Variants in ATCAY observed in about 807,000 individuals in gnomAD.
ATCAY encodes the protein ATCAY kinesin light chain interacting caytaxin, also known as caytaxin.
In ATCAY, 22 loss-of-function variants were observed where a neutral mutation model predicts 47.7. The observed-to-expected ratio is 0.46, with a 90% CI of 0.33 to 0.66. The LOEUF is 0.66. Among genes scored for constraint, ATCAY ranks in the 30% least tolerant of loss-of-function variants. The probability of loss-of-function intolerance (pLI) is 0.02; values close to 1 mark genes in which losing one functional copy is unlikely to be tolerated. For synonymous variants in ATCAY, 216 were observed against 207.6 expected (o/e 1.04, Z -0.35); for missense variants, 452 against 515.0 (o/e 0.88, Z 1.18).
chr19:3,896,168 G>C (rs2038767899), intron 2 of ATCAY, among the ~76,000 whole-genome samples: 1 of 151,592 alleles, frequency 6.6e-6, no homozygotes, highest in Non-Finnish European at 1.5e-5. Flanking sequence ...GCTTTCTACA[G>C]CTTCACATTT....
At chr19:3,903,464 C>A (rs2038832224) in intron 3 of ATCAY, among the ~76,000 whole-genome samples, 2 of 152,064 alleles carry the variant, frequency 1.3e-5, no homozygotes, top group African/African-American at 4.8e-5. Flanking sequence ...GAGGACCTGG[C>A]AGCCAGCCCC....
intron 2 of ATCAY, among the ~76,000 whole-genome samples, chr19:3,901,115 G>A (rs1298054548): frequency 6.7e-6 from 1 of 149,438 alleles, no homozygotes; most frequent in Non-Finnish European, 1.5e-5. Flanking sequence ...TGTTAGCCAG[G>A]ATGGTCTCGA....
chr19:3,924,460 C>G, intron 12 of ATCAY, 123 bp from the exon 13 acceptor site: 2 of 1,201,848 alleles, frequency 1.7e-6, no homozygotes, highest in South Asian at 2.5e-5. Context: ...ATGTGCCACT[C>G]TTGCTGCTGG....
chr19:3,913,190 G>A (rs2038937309), intron 8 of ATCAY, among the ~76,000 whole-genome samples: 1 of 151,374 alleles, frequency 6.6e-6, no homozygotes, highest in Non-Finnish European at 1.5e-5. Context: ...GGGAGGCTGA[G>A]GCAGGGAAAA....
At chr19:3,918,671 G>T in intron 10 of ATCAY, 135 bp from the exon 11 acceptor site, 1 of 801,996 alleles carries the variant, frequency 1.2e-6, no homozygotes, top group Non-Finnish European at 2.0e-6. Flanking sequence ...AATAGCAAAG[G>T]CAGGGAACAT....
At position 3,882,904 on chromosome 19, in the gene ATCAY, C is replaced by T; in HGVS notation, c.-42+1896C>T. ...GGGCTCAATCCTCCCACCTCAGCCT[C>T]CTGAATAGCTAAGACCTCAGGCACC... On this transcript the variant is annotated intron_variant, in intron 1 of 12. Transcript: ENST00000450849. Among the ~76,000 whole-genome samples the T allele has an allele frequency of 1.3e-5, 2 of 152,130 alleles. 1 individual carries two copies. Among genetic ancestry groups the T allele is most frequent in the Non-Finnish European group, 2.9e-5 (2 of 68,020 alleles).
intron 2 of ATCAY, among the ~76,000 whole-genome samples, chr19:3,890,152 C>T (rs2038702795): frequency 6.6e-6 from 1 of 150,856 alleles, no homozygotes; most frequent in Non-Finnish European, 1.5e-5. Flanking sequence ...CCGTGTTGGC[C>T]AGGCTGGTCT....
rs750308240 is a variant in ATCAY at position 3,918,813 on chromosome 19, C to G, written c.1009C>G (p.Pro337Ala). ...RLKARRESAR[P>A]QPEFVLPRSE... Reference sequence around the variant, plus strand: ...CGTTCTCTCTGTCCACAGCGCGAGGCCCCAGCCGGAGTTTGTGCTGCCCAG... The same window carrying G: ...CGTTCTCTCTGTCCACAGCGCGAGGGCCCAGCCGGAGTTTGTGCTGCCCAG... Residue 337 changes from proline (P) to alanine (A), a missense_variant, in exon 11 of 13, where the codon CCC (proline) becomes GCC (alanine). Transcript: ENST00000450849. The G allele has an allele frequency of 1.9e-6, 3 of 1,613,822 alleles. No homozygotes were observed. Among genetic ancestry groups the G allele is most frequent in the Non-Finnish European group, 2.5e-6 (3 of 1,179,862 alleles).
At chr19:3,915,555 C>CT (rs1264823704) in intron 9 of ATCAY, among the ~76,000 whole-genome samples, 3,814 of 126,210 alleles carry the variant, frequency 0.03, 72 homozygotes, top group Non-Finnish European at 0.038. Flanking sequence ...CCAGACCTTT[C>CT]TTTTTTTTTT....
At chr19:3,892,836 A>AG (rs2038730271) in intron 2 of ATCAY, among the ~76,000 whole-genome samples, 1 of 152,096 alleles carries the variant, frequency 6.6e-6, no homozygotes, top group Non-Finnish European at 1.5e-5. Context: ...TAAACCCAGG[A>AG]GGCAGAAGTT....
chr19:3,908,138 C>G (rs955767241), intron 5 of ATCAY, 130 bp from the exon 6 acceptor site: 11 of 1,030,364 alleles, frequency 1.1e-5, no homozygotes, highest in Non-Finnish European at 1.6e-5. Flanking sequence ...GCTAAGGGGT[C>G]GCCGGCTGCT....
chr19:3,902,685 T>C, intron 3 of ATCAY, 140 bp downstream of exon 3: 1 of 925,596 alleles, frequency 1.1e-6, no homozygotes, highest in Non-Finnish European at 1.6e-6. Flanking sequence ...ATGGTGGAAG[T>C]GGCCGTGGTG....
At chr19:3,908,597 T>TCACTG (rs1568449627) in intron 6 of ATCAY, among the ~76,000 whole-genome samples, 21 of 131,396 alleles carry the variant, frequency 1.6e-4, no homozygotes, top group African/African-American at 5.7e-4. Context: ...CCTCCTCCTC[T>TCACTG]TCCTCCTCCT....
chr19:3,897,126 GT>G (rs1053902273), intron 2 of ATCAY, among the ~76,000 whole-genome samples: 1 of 151,968 alleles, frequency 6.6e-6, no homozygotes, highest in Non-Finnish European at 1.5e-5. Flanking sequence ...AATGGAAAAT[GT>G]TTTTAAATGC....
At chr19:3,890,247 ATTTTTTTT>A (rs764697276) in intron 2 of ATCAY, among the ~76,000 whole-genome samples, 1 of 38,570 alleles carries the variant, frequency 2.6e-5, no homozygotes, top group South Asian at 1.0e-3. Flanking sequence ...TCCACCTATA[ATTTTTTTT>A]TTTTTTTTTT....
At chr19:3,914,222 C>T (rs1371768420) in intron 9 of ATCAY, among the ~76,000 whole-genome samples, 6 of 96,414 alleles carry the variant, frequency 6.2e-5, no homozygotes, top group African/African-American at 3.2e-4. Flanking sequence ...GGCCACAGAG[C>T]GAGACTCCAT....
chr19:3,927,052 C>A lies in ATCAY; in HGVS notation c.*2460C>A, dbSNP rs2039073134. 1 of 152,230 alleles carries A rather than the reference C, an allele frequency of 6.6e-6. No individual in the cohort carries two copies. The highest frequency in any genetic ancestry group is 2.1e-4 in the South Asian group (1 of 4,832). 9.4% of individuals were successfully genotyped at this position (152,230 alleles called of 1,614,324 possible). On this transcript the variant is annotated 3_prime_UTR_variant, in exon 13 of 13. Transcript: ENST00000450849. Reference sequence around the variant, plus strand: ...GCTGGCCAACATGGTGAAACCCCATCTCTACTAAAAATACAAAAATTAGCT... The same window carrying A: ...GCTGGCCAACATGGTGAAACCCCATATCTACTAAAAATACAAAAATTAGCT...
rs1445357758 is a variant in ATCAY, at chr19:3,920,809, T to C, written c.1106+11T>C. 1.9e-6 allele frequency: 3 copies of C among 1,613,556 alleles called. No homozygotes were observed. The highest frequency in any genetic ancestry group is 1.3e-5 in the African/African-American group (1 of 74,936). On this transcript the variant is annotated intron_variant, in intron 12 of 12. Transcript: ENST00000450849. ...AGATCAGGAAACAAGGTGGGTGTGA[T>C]GCAGAGTGGTCTTCGTGCTGTTTTC... is the stretch of plus-strand genomic sequence containing the variant.
chr19:3,913,879 C>T lies in ATCAY; in HGVS notation c.965+23C>T, dbSNP rs548884408. ...GCAGTGAGTGGCCCCACAGTCCACC[C>T]CGCCGTATTAGTCTGTTTTCGTGCT... On this transcript the variant is annotated intron_variant, in intron 9 of 12. Coordinates refer to ENST00000450849, the MANE Select transcript of ATCAY (RefSeq NM_033064.5). The T allele has an allele frequency of 1.9e-6, 3 of 1,585,972 alleles. No homozygotes were observed. In the South Asian group the frequency reaches 3.3e-5, roughly 18 times the overall value.
Sources: gnomAD v4.1 joint callset for allele counts (sites outside exome capture counted in the v4.1 genomes callset) on GRCh38, gnomAD v4.1.1 for gene constraint, MANE v1.5 for transcripts, NCBI Gene and HGNC (gene_info 2026-07-23, HGNC 2026-07-21) for gene names.